Variants in NR6A1 observed in about 807,000 individuals in gnomAD.
NR6A1 encodes nuclear receptor subfamily 6 group A member 1, also known as retinoic acid receptor-related testis-associated receptor.
Under a neutral mutation model 59.1 loss-of-function variants are expected in NR6A1, and 7 were observed. The ratio of observed to expected loss-of-function variants is 0.12; its 90% confidence interval spans 0.07 to 0.22. The LOEUF (loss-of-function observed/expected upper bound fraction) is 0.22. Among genes scored for constraint, NR6A1 ranks in the 10% least tolerant of loss-of-function variants. The pLI, the probability that NR6A1 is intolerant of heterozygous loss-of-function variation, is 1.00. For synonymous variants in NR6A1, 243 were observed against 236.1 expected (o/e 1.03, Z -0.27); for missense variants, 468 against 611.6 (o/e 0.77, Z 2.48).
At chr9:124,755,058 C>A (rs145090971) in intron 1 of NR6A1, among the ~76,000 whole-genome samples, 5 of 152,248 alleles carry the variant, frequency 3.3e-5, no homozygotes, top group African/African-American at 7.2e-5. Context: ...CTACATCCTA[C>A]CAATTTGCTG....
intron 2 of NR6A1, among the ~76,000 whole-genome samples, chr9:124,663,963 ACT>A (rs1279326682): frequency 6.6e-6 from 1 of 152,142 alleles, no homozygotes; most frequent in East Asian, 1.9e-4. Context: ...TTTCCTAGAG[ACT>A]CTTCTGAGTA....
At chr9:124,555,177 G>A (rs908594732) in intron 2 of NR6A1, among the ~76,000 whole-genome samples, 4 of 152,182 alleles carry the variant, frequency 2.6e-5, no homozygotes, top group African/African-American at 9.7e-5. Context: ...GATCCCCAGA[G>A]TCATGGAACT....
chr9:124,637,892 C>CAAA (rs796714741), intron 2 of NR6A1, among the ~76,000 whole-genome samples: 44 of 78,898 alleles, frequency 5.6e-4, no homozygotes, highest in Admixed American at 8.9e-4. Context: ...ACTCCCTCTC[C>CAAA]AAAAAAAAAA....
chr9:124,635,110 T>C (rs1836563326), intron 2 of NR6A1, among the ~76,000 whole-genome samples: 1 of 152,182 alleles, frequency 6.6e-6, no homozygotes, highest in South Asian at 2.1e-4. Context: ...AGTGGAATAG[T>C]ATTACAAAGA....
rs1245827977 is a variant in NR6A1, at chr9:124,548,305, T to G, written c.386-4448A>C. Among the ~76,000 whole-genome samples, 6 of 152,206 alleles carry G rather than the reference T, an allele frequency of 3.9e-5. No homozygotes were observed. In the South Asian group the frequency reaches 6.2e-4, roughly 16 times the overall value. ...TTTAAAAATAAAACAGAACAAAATT[T>G]TAAAGTCTTAATTTAAAAACAAACA... On this transcript the variant is annotated intron_variant, in intron 3 of 9. Transcript: ENST00000487099.
intron 2 of NR6A1, among the ~76,000 whole-genome samples, chr9:124,713,097 T>C (rs749740458): frequency 2.0e-5 from 3 of 152,144 alleles, no homozygotes; most frequent in Non-Finnish European, 2.9e-5. Flanking sequence ...GGGAGCCCAG[T>C]ACTAAACCCT....
chr9:124,735,350 T>C lies in NR6A1; in HGVS notation c.101-2001A>G, dbSNP rs541492768. On this transcript the variant is annotated intron_variant, in intron 1 of 9. Transcript: ENST00000487099. ...CCAAACAATAAAGGAATAGTTTAAA[T>C]ACCTGCTTCTTCCACTAGACAGTGA... 3.3e-5 allele frequency among the ~76,000 whole-genome samples: 5 copies of C among 152,316 alleles called. No individual in the cohort carries two copies. The East Asian group carries it at 9.7e-4, about 29-fold the overall frequency.
chr9:124,758,959 T>C (rs1000672602), intron 1 of NR6A1, among the ~76,000 whole-genome samples: 1 of 152,224 alleles, frequency 6.6e-6, no homozygotes, highest in African/African-American at 2.4e-5. Context: ...TCCATTTTTA[T>C]AGGTGGACCC....
In NR6A1 at chr9:124,620,407, T is replaced by C. The variant is rs549970285; in HGVS notation, c.143-65837A>G. ...CCAAAGACTTGCATGTGAATGTTCA[T>C]AGTAGCATTATTCACAAATGCTCAT... On this transcript the variant is annotated intron_variant, in intron 2 of 9. Coordinates refer to ENST00000487099, the MANE Select transcript of NR6A1 (RefSeq NM_033334.4). 6.0e-4 allele frequency among the ~76,000 whole-genome samples: 92 copies of C among 152,230 alleles called. 1 individual carries two copies. The highest frequency in any genetic ancestry group is 2.2e-3 in the African/African-American group (91 of 41,456).
chr9:124,573,939 A>G (rs1223343360), intron 2 of NR6A1, among the ~76,000 whole-genome samples: 2 of 152,216 alleles, frequency 1.3e-5, no homozygotes, highest in African/African-American at 4.8e-5. Context: ...AATGAAGGGC[A>G]CAGAGGACAG....
chr9:124,708,274 T>C (rs1839189045), intron 2 of NR6A1, among the ~76,000 whole-genome samples: 1 of 152,126 alleles, frequency 6.6e-6, no homozygotes, highest in South Asian at 2.1e-4. Flanking sequence ...GCTACTGGTT[T>C]TCACCGCCAG....
In NR6A1 at chr9:124,519,750, AAGTT is replaced by A. The variant is rs1832758560; in HGVS notation, c.*2951_*2954del. 6.6e-6 allele frequency: 1 copy of A among 151,770 alleles called. No individual in the cohort carries two copies. The highest frequency in any genetic ancestry group is 2.4e-5 in the African/African-American group (1 of 41,274). The allele number at this position is 151,770 out of a possible 1,614,324, so 9.4% of individuals were successfully genotyped here. A position where few individuals can be genotyped will look rare whatever the true frequency, so the allele number is the denominator to read the frequency against. Reference sequence around the variant, plus strand: ...AATGTTTCTACTAAAAATACAAAAAAAGTTAGCCGGGTGTGGTGGCGGGCGCCTG... The same window carrying A: ...AATGTTTCTACTAAAAATACAAAAAAAGCCGGGTGTGGTGGCGGGCGCCTG... On this transcript the variant is annotated 3_prime_UTR_variant, in exon 10 of 10. Coordinates refer to ENST00000487099, the MANE Select transcript of NR6A1 (RefSeq NM_033334.4).
At chr9:124,618,939 C>T (rs146253693) in intron 2 of NR6A1, among the ~76,000 whole-genome samples, 5 of 152,170 alleles carry the variant, frequency 3.3e-5, no homozygotes, top group African/African-American at 4.8e-5. Context: ...TGGGGGAGGA[C>T]GAATTTAGCA....
At chr9:124,677,894 G>A (rs1053037233) in intron 2 of NR6A1, among the ~76,000 whole-genome samples, 10 of 151,998 alleles carry the variant, frequency 6.6e-5, no homozygotes, top group African/African-American at 2.4e-4. Flanking sequence ...ACATGCAAAA[G>A]ACCTTACAAT....
intron 2 of NR6A1, among the ~76,000 whole-genome samples, chr9:124,680,382 T>G (rs143003484): frequency 6.6e-6 from 1 of 152,090 alleles, no homozygotes; most frequent in Admixed American, 6.5e-5. Context: ...CAATATCTAT[T>G]AAATAAACTG....
intron 2 of NR6A1, among the ~76,000 whole-genome samples, chr9:124,725,814 A>T (rs975839672): frequency 5.3e-5 from 8 of 152,188 alleles, no homozygotes; most frequent in African/African-American, 1.9e-4. Context: ...AAAACTTTTT[A>T]AAATACTGAC....
chr9:124,588,521 G>A (rs1005291503), intron 2 of NR6A1, among the ~76,000 whole-genome samples: 6 of 151,120 alleles, frequency 4.0e-5, no homozygotes, highest in African/African-American at 1.5e-4. Context: ...TGTTAGCCAG[G>A]ATGGTGTCGA....
At chr9:124,640,043 A>C (rs1836727005) in intron 2 of NR6A1, among the ~76,000 whole-genome samples, 1 of 152,218 alleles carries the variant, frequency 6.6e-6, no homozygotes. Context: ...AAAATGCATA[A>C]AAAGAAATTA....
intron 2 of NR6A1, among the ~76,000 whole-genome samples, chr9:124,560,033 C>T (rs776564982): frequency 6.6e-6 from 1 of 152,246 alleles, no homozygotes; most frequent in African/African-American, 2.4e-5. Context: ...ACAGGAAAAA[C>T]GGGTGCTGAA....
Sources: gnomAD v4.1 joint callset for allele counts (sites outside exome capture counted in the v4.1 genomes callset) on GRCh38, gnomAD v4.1.1 for gene constraint, MANE v1.5 for transcripts, NCBI Gene and HGNC (gene_info 2026-07-23, HGNC 2026-07-21) for gene names.